Variants in MACROD2 observed in about 807,000 individuals in gnomAD.
MACROD2 encodes ADP-ribose glycohydrolase MACROD2.
In MACROD2, 36 loss-of-function variants were observed where a neutral mutation model predicts 70.4. The ratio of observed to expected loss-of-function variants is 0.51; its 90% CI spans 0.39 to 0.68. MACROD2 has a LOEUF of 0.68. MACROD2 is among the 30% of genes least tolerant of loss of function. The probability of loss-of-function intolerance (pLI) is 0.00; values close to 1 mark genes in which losing one functional copy is unlikely to be tolerated. For missense variants in MACROD2, 496 were observed against 538.4 expected, an observed-to-expected ratio of 0.92 and a Z score of 0.78; for synonymous variants, 172 against 178.8, an observed-to-expected ratio of 0.96 and a Z score of 0.30.
At chr20:14,612,219 T>C (rs964056203) in intron 4 of MACROD2, among the ~76,000 whole-genome samples, 2 of 152,160 alleles carry the variant, frequency 1.3e-5, no homozygotes, top group African/African-American at 4.8e-5. Flanking sequence ...TTCTCAGCGG[T>C]AGGCCACAAA....
intron 2 of MACROD2, among the ~76,000 whole-genome samples, chr20:14,039,805 G>GTTTTTTTT (rs11482552): frequency 6.9e-6 from 1 of 144,998 alleles, no homozygotes; most frequent in Non-Finnish European, 1.5e-5. Context: ...TTTGCCATCT[G>GTTTTTTTT]TTTTTTTTTT....
intron 6 of MACROD2, among the ~76,000 whole-genome samples, chr20:15,234,031 T>A (rs1707001140): frequency 3.4e-5 from 1 of 29,422 alleles, no homozygotes; most frequent in Non-Finnish European, 6.6e-5. Context: ...TTTTTTTTTT[T>A]TTTTTTTTTT....
chr20:14,486,631 G>A (rs2084737233), intron 3 of MACROD2, among the ~76,000 whole-genome samples: 1 of 147,552 alleles, frequency 6.8e-6, no homozygotes, highest in Non-Finnish European at 1.5e-5. Context: ...ACAATCTCAT[G>A]CCTCAGCCTC....
chr20:15,209,966 G>T (rs550346159), intron 5 of MACROD2, among the ~76,000 whole-genome samples: 33 of 152,312 alleles, frequency 2.2e-4, no homozygotes, highest in African/African-American at 7.5e-4. Context: ...TTTCTATGGA[G>T]ACTCTTTGTA....
rs555602479 is a variant in MACROD2, at chr20:15,695,571, C to T, written c.646-167174C>T. On this transcript the variant is annotated intron_variant, in intron 8 of 17. Coordinates refer to ENST00000684519, the MANE Select transcript of MACROD2 (RefSeq NM_001351661.2). ...GACTACAGGCATGTGCTACCACACT[C>T]GGCTAATTTTTGTATTTTTAGTAGA... 3.9e-5 allele frequency among the ~76,000 whole-genome samples: 6 copies of T among 152,034 alleles called. No individual in the cohort carries two copies. In the South Asian group the frequency reaches 6.2e-4, roughly 16 times the overall value.
intron 6 of MACROD2, among the ~76,000 whole-genome samples, chr20:15,409,079 T>C (rs1194355939): frequency 6.6e-6 from 1 of 152,194 alleles, no homozygotes; most frequent in African/African-American, 2.4e-5. Flanking sequence ...TTATTATTAT[T>C]AGAAAGCTCC....
intron 3 of MACROD2, among the ~76,000 whole-genome samples, chr20:14,356,498 CTTTTTTT>C (rs71190132): frequency 0.032 from 2,436 of 76,854 alleles, 90 homozygotes; most frequent in African/African-American, 0.11. Flanking sequence ...GATCTACTTT[CTTTTTTT>C]TTTTTTTTTT....
chr20:14,180,795 T>C (rs898725600), intron 3 of MACROD2, among the ~76,000 whole-genome samples: 7 of 152,144 alleles, frequency 4.6e-5, no homozygotes, highest in African/African-American at 1.7e-4. Context: ...AGAATGTTAA[T>C]AGTAAATTGC....
chr20:15,635,763 A>G (rs2049354012), intron 8 of MACROD2, among the ~76,000 whole-genome samples: 1 of 152,126 alleles, frequency 6.6e-6, no homozygotes, highest in Non-Finnish European at 1.5e-5. Flanking sequence ...TTAAAACCCC[A>G]CATTTTAGAA....
chr20:14,987,640 G>A (rs2122858270), intron 5 of MACROD2, among the ~76,000 whole-genome samples: 1 of 152,248 alleles, frequency 6.6e-6, no homozygotes, highest in South Asian at 2.1e-4. Context: ...AGATGATGCT[G>A]TGGAATATGT....
chr20:15,493,376 G>C (rs1228486043), intron 7 of MACROD2, among the ~76,000 whole-genome samples: 1 of 152,078 alleles, frequency 6.6e-6, no homozygotes, highest in Non-Finnish European at 1.5e-5. Flanking sequence ...TTTTTTTCTA[G>C]TGAGAACCTC....
intron 3 of MACROD2, among the ~76,000 whole-genome samples, chr20:14,481,405 A>T (rs559882742): frequency 6.6e-6 from 1 of 152,202 alleles, no homozygotes; most frequent in Non-Finnish European, 1.5e-5. Context: ...TCTCTTATAG[A>T]TAATTCCAGA....
At chr20:15,404,385 T>A (rs1181002652) in intron 6 of MACROD2, among the ~76,000 whole-genome samples, 1 of 152,236 alleles carries the variant, frequency 6.6e-6, no homozygotes, top group Non-Finnish European at 1.5e-5. Flanking sequence ...GAACACATTT[T>A]AGAAGCAAAT....
chr20:14,583,540 A>G lies in MACROD2; in HGVS notation c.301+90032A>G, dbSNP rs28437005. On this transcript the variant is annotated intron_variant, in intron 4 of 17. Transcript: ENST00000684519. ...GTCTGCTTCCTGAGATCATCTCCCA[A>G]ATAAACAACTGATGTCCAGGTTCTT... Among the ~76,000 whole-genome samples the G allele has an allele frequency of 1.3e-3, 200 of 152,260 alleles. 1 individual carries two copies. Among genetic ancestry groups the G allele is most frequent in the African/African-American group, 4.5e-3 (185 of 41,562 alleles).
At chr20:14,776,649 G>A (rs2072237778) in intron 5 of MACROD2, among the ~76,000 whole-genome samples, 1 of 151,940 alleles carries the variant, frequency 6.6e-6, no homozygotes, top group Admixed American at 6.6e-5. Context: ...CTTTTTCCAA[G>A]ATCTTTTTGA....
chr20:14,493,421 A>G (rs2084816347), intron 3 of MACROD2, 58 bp from the exon 4 acceptor site: 1 of 1,394,230 alleles, frequency 7.2e-7, no homozygotes, highest in Non-Finnish European at 1.0e-6. Flanking sequence ...TTACTCTGAT[A>G]TACTATATTT....
chr20:14,675,114 A>G (rs2070843797), intron 4 of MACROD2, among the ~76,000 whole-genome samples: 1 of 152,186 alleles, frequency 6.6e-6, no homozygotes, highest in Non-Finnish European at 1.5e-5. Flanking sequence ...AATAGAACCA[A>G]GTTGGAAAGC....
chr20:15,967,685 A>T, intron 13 of MACROD2, 55 bp downstream of exon 13: 10 of 1,203,680 alleles, frequency 8.3e-6, no homozygotes, highest in Middle Eastern at 2.1e-4. Context: ...GAAACAGAAA[A>T]AAAAAAAAAA....
At chr20:15,310,525 A>G (rs917988042) in intron 6 of MACROD2, among the ~76,000 whole-genome samples, 1 of 152,328 alleles carries the variant, frequency 6.6e-6, no homozygotes, top group Non-Finnish European at 1.5e-5. Context: ...GCATGACTAT[A>G]GTAAAAAAGA....
Sources: allele counts gnomAD v4.1 joint callset (sites outside exome capture counted in the v4.1 genomes callset), GRCh38; gene constraint gnomAD v4.1.1; transcripts MANE v1.5; gene names NCBI Gene and HGNC (gene_info 2026-07-23, HGNC 2026-07-21).